The following CEP112 variants were observed in gnomAD, a reference collection of about 807,000 sequenced individuals.
The protein encoded by CEP112 is centrosomal protein 112.
A neutral mutation model predicts 153.0 loss-of-function variants in CEP112; 127 were observed. The ratio of observed to expected loss-of-function variants is 0.83; its 90% confidence interval spans 0.72 to 0.96. The LOEUF is 0.96. Ranked by LOEUF, CEP112 falls within the 40% of genes least tolerant of loss-of-function variation. CEP112 has a pLI of 0.00. For missense variants in CEP112, 1,089 were observed against 1,101.2 expected (o/e 0.99, Z 0.16); for synonymous variants, 358 against 374.4 (o/e 0.96, Z 0.51).
chr17:65,781,145 T>A (rs550407230), intron 21 of CEP112, among the ~76,000 whole-genome samples: 1 of 152,188 alleles, frequency 6.6e-6, no homozygotes, highest in South Asian at 2.1e-4. Flanking sequence ...GCATTAGCTG[T>A]TTCTAATTTA....
chr17:65,964,558 A>G (rs987743059), intron 17 of CEP112, among the ~76,000 whole-genome samples: 4 of 152,208 alleles, frequency 2.6e-5, no homozygotes, highest in African/African-American at 9.6e-5. Flanking sequence ...ATAAATTGTT[A>G]TTGGGTACCA....
intron 20 of CEP112, among the ~76,000 whole-genome samples, chr17:65,885,405 C>T (rs2059240821): frequency 6.6e-6 from 1 of 152,022 alleles, no homozygotes; most frequent in African/African-American, 2.4e-5. Flanking sequence ...TCATAAATGA[C>T]TTTTTTCCAG....
chr17:65,705,016 A>G (rs545632992), intron 23 of CEP112, among the ~76,000 whole-genome samples: 15 of 152,340 alleles, frequency 9.8e-5, no homozygotes, highest in Admixed American at 2.6e-4. Context: ...CATACACGTG[A>G]TGGTGTTTTT....
intron 18 of CEP112, among the ~76,000 whole-genome samples, chr17:65,956,754 C>T (rs899827343): frequency 2.0e-5 from 3 of 151,846 alleles, no homozygotes; most frequent in Non-Finnish European, 2.9e-5. Flanking sequence ...CCAAGCACCA[C>T]CTGTGCCCCA....
intron 21 of CEP112, among the ~76,000 whole-genome samples, chr17:65,751,825 G>C (rs1474182812): frequency 6.6e-6 from 1 of 152,064 alleles, no homozygotes; most frequent in African/African-American, 2.4e-5. Flanking sequence ...ACACAGAGAG[G>C]GTAAGTAACT....
At chr17:65,746,990 G>A (rs16962754) in intron 22 of CEP112, among the ~76,000 whole-genome samples, 2,083 of 151,598 alleles carry the variant, frequency 0.014, 54 homozygotes, top group African/African-American at 0.048. Context: ...GTAAGCATCC[G>A]AACTCATGAA....
intron 18 of CEP112, among the ~76,000 whole-genome samples, chr17:65,938,810 CA>C (rs1244344743): frequency 6.0e-5 from 9 of 149,200 alleles, no homozygotes; most frequent in Admixed American, 5.3e-4. Flanking sequence ...ACAAACGATT[CA>C]AAAAAGATTT....
chr17:65,860,566 A>G (rs551322373), intron 20 of CEP112, among the ~76,000 whole-genome samples: 1 of 152,346 alleles, frequency 6.6e-6, no homozygotes, highest in African/African-American at 2.4e-5. Flanking sequence ...AAATTGACCA[A>G]TGAAACAGAA....
chr17:65,961,680 A>C, intron 17 of CEP112, 82 bp from the exon 18 acceptor site: 1 of 1,267,092 alleles, frequency 7.9e-7, no homozygotes, highest in Non-Finnish European at 1.1e-6. Context: ...ACCCCCTCTA[A>C]AATAAAATCC....
intron 12 of CEP112, among the ~76,000 whole-genome samples, chr17:66,034,374 T>C (rs1337809528): frequency 6.6e-6 from 1 of 152,144 alleles, no homozygotes; most frequent in Non-Finnish European, 1.5e-5. Flanking sequence ...TATTCCCCTC[T>C]ATATTAAAAG....
intron 4 of CEP112, among the ~76,000 whole-genome samples, chr17:66,167,785 G>C (rs1331837974): frequency 6.6e-6 from 1 of 152,178 alleles, no homozygotes; most frequent in Non-Finnish European, 1.5e-5. Flanking sequence ...TCCTGAAGCT[G>C]TTATCTTGTC....
At chr17:65,971,275 G>T (rs1001205396) in intron 17 of CEP112, among the ~76,000 whole-genome samples, 1 of 152,190 alleles carries the variant, frequency 6.6e-6, no homozygotes, top group African/African-American at 2.4e-5. Flanking sequence ...CACATGTACA[G>T]CACATGCACA....
chr17:65,719,801 G>GA, intron 23 of CEP112, among the ~76,000 whole-genome samples: 1 of 152,330 alleles, frequency 6.6e-6, no homozygotes, highest in East Asian at 1.9e-4. Context: ...GTGAGCAGCA[G>GA]GAAAGGAAGA....
At chr17:66,088,874 GTCCA>G (rs2068036596) in intron 8 of CEP112, among the ~76,000 whole-genome samples, 1 of 152,050 alleles carries the variant, frequency 6.6e-6, no homozygotes, top group Non-Finnish European at 1.5e-5. Flanking sequence ...AAAGAACCAG[GTCCA>G]TCCCAGAACC....
At chr17:66,064,751 C>T (rs2067051168) in intron 10 of CEP112, among the ~76,000 whole-genome samples, 2 of 151,994 alleles carry the variant, frequency 1.3e-5, no homozygotes, top group Non-Finnish European at 2.9e-5. Context: ...TTTTTAAAAC[C>T]TCATCATTTT....
At chr17:66,116,391 G>T (rs1469328125) in intron 6 of CEP112, among the ~76,000 whole-genome samples, 1 of 151,910 alleles carries the variant, frequency 6.6e-6, no homozygotes, top group African/African-American at 2.4e-5. Flanking sequence ...GGGAAATTTT[G>T]ATTGTTTCTT....
In CEP112 at chr17:65,681,157, C is replaced by T. The variant is rs1282989007; in HGVS notation, c.2697+7972G>A. Among the ~76,000 whole-genome samples the T allele has an allele frequency of 2.6e-5, 4 of 152,202 alleles. No individual in the cohort carries two copies. The South Asian group carries it at 8.3e-4, about 31-fold the overall frequency. ...GGCCTTACAGAGTGATTCAATTCAA[C>T]AAGCGCTGGTGGATGCCATGAAGAT... On this transcript the variant is annotated intron_variant, in intron 24 of 26. Transcript: ENST00000535342.
At position 66,027,184 on chromosome 17, in the gene CEP112, C is replaced by T. The variant is rs553063905; in HGVS notation, c.1656+317G>A. Among the ~76,000 whole-genome samples, 4 of 152,248 alleles carry T rather than the reference C, an allele frequency of 2.6e-5. No individual in the cohort carries two copies. The East Asian group carries it at 7.7e-4, about 29-fold the overall frequency. On this transcript the variant is annotated intron_variant, in intron 16 of 26. Transcript: ENST00000535342. Reference sequence around the variant, plus strand: ...TTGAGGCCAGGAATTCCAGACCAACCTGGCCAAAATGGTGAAACTCCCTCT... The same window carrying T: ...TTGAGGCCAGGAATTCCAGACCAACTTGGCCAAAATGGTGAAACTCCCTCT...
At chr17:65,734,567 A>G (rs2050692512) in intron 23 of CEP112, among the ~76,000 whole-genome samples, 1 of 152,204 alleles carries the variant, frequency 6.6e-6, no homozygotes, top group African/African-American at 2.4e-5. Flanking sequence ...AAAAATAACT[A>G]TTTTCCAAAG....
Sources: gnomAD v4.1 joint callset for allele counts (sites outside exome capture counted in the v4.1 genomes callset) on GRCh38, gnomAD v4.1.1 for gene constraint, MANE v1.5 for transcripts, NCBI Gene and HGNC (gene_info 2026-07-23, HGNC 2026-07-21) for gene names.